TRHDE: variants seen among roughly 807,000 people sequenced by gnomAD.
TRHDE encodes the protein thyrotropin-releasing hormone-degrading ectoenzyme.
In TRHDE, 72 loss-of-function variants were observed where a neutral mutation model predicts 125.7. That is an observed-to-expected ratio of 0.57 (90% confidence interval 0.47 to 0.70). The LOEUF is 0.70. TRHDE is among the 30% of genes least tolerant of loss of function. The probability of loss-of-function intolerance (pLI) is 0.00; values close to 1 mark genes in which losing one functional copy is unlikely to be tolerated. For synonymous variants in TRHDE, 509 were observed against 509.1 expected (o/e 1.00, Z 0.00); for missense variants, 1,110 against 1,327.1 (o/e 0.84, Z 2.54).
chr12:72,411,028 TAAAAATACAA>T (rs1219861029), intron 3 of TRHDE, among the ~76,000 whole-genome samples: 2 of 151,750 alleles, frequency 1.3e-5, no homozygotes, highest in African/African-American at 2.4e-5. Flanking sequence ...ACGTCTCTAC[TAAAAATACAA>T]AAAAATACAA....
intron 2 of TRHDE, among the ~76,000 whole-genome samples, chr12:72,215,604 A>G (rs927358696): frequency 2.6e-5 from 4 of 152,164 alleles, no homozygotes; most frequent in Non-Finnish European, 5.9e-5. Context: ...TGTCATGGCA[A>G]TAGTGTAGTT....
intron 9 of TRHDE, among the ~76,000 whole-genome samples, chr12:72,567,845 C>T (rs993345473): frequency 6.6e-6 from 1 of 152,026 alleles, no homozygotes; most frequent in Non-Finnish European, 1.5e-5. Context: ...GACATTACTG[C>T]ATGTATAAGT....
intron 2 of TRHDE, among the ~76,000 whole-genome samples, chr12:72,265,873 A>T (rs1279642401): frequency 1.3e-5 from 2 of 151,874 alleles, no homozygotes; most frequent in Non-Finnish European, 2.9e-5. Flanking sequence ...TGTAGTTCAA[A>T]ATTAGCTTTT....
At chr12:72,303,687 G>A (rs990988548) in intron 2 of TRHDE, among the ~76,000 whole-genome samples, 2 of 152,088 alleles carry the variant, frequency 1.3e-5, no homozygotes, top group African/African-American at 4.8e-5. Flanking sequence ...TGGTGGCTCT[G>A]CTTCTTCCCT....
intron 3 of TRHDE, among the ~76,000 whole-genome samples, chr12:72,460,435 C>T (rs1052904608): frequency 6.1e-5 from 9 of 147,958 alleles, no homozygotes; most frequent in Admixed American, 6.6e-5. Flanking sequence ...AATATGTATG[C>T]TTTTTGACTT....
At chr12:72,124,338 T>C (rs926719125) in intron 2 of TRHDE, among the ~76,000 whole-genome samples, 4 of 152,202 alleles carry the variant, frequency 2.6e-5, no homozygotes, top group Non-Finnish European at 1.5e-5. Context: ...CAGATCATAT[T>C]GTCATAGGAG....
At chr12:72,581,472 A>G (rs1490510023) in intron 12 of TRHDE, among the ~76,000 whole-genome samples, 6 of 152,338 alleles carry the variant, frequency 3.9e-5, no homozygotes, top group Non-Finnish European at 7.3e-5. Context: ...CATCATAAAT[A>G]TCATCATAGT....
At chr12:72,520,130 A>C (rs1394179772) in intron 6 of TRHDE, among the ~76,000 whole-genome samples, 1 of 152,248 alleles carries the variant, frequency 6.6e-6, no homozygotes. Context: ...TGGAGCCTAC[A>C]GAGGCAGGCA....
chr12:72,512,535 T>TATATATATTC (rs1491272978), intron 6 of TRHDE, among the ~76,000 whole-genome samples: 2 of 138,282 alleles, frequency 1.4e-5, no homozygotes, highest in African/African-American at 5.4e-5. Flanking sequence ...TATATATGAT[T>TATATATATTC]ATATATATTC....
At chr12:72,424,391 A>G (rs1874097346) in intron 3 of TRHDE, among the ~76,000 whole-genome samples, 1 of 152,186 alleles carries the variant, frequency 6.6e-6, no homozygotes, top group Admixed American at 6.6e-5. Context: ...GCTTCAAGCT[A>G]CAAAGACCCT....
intron 2 of TRHDE, among the ~76,000 whole-genome samples, chr12:72,174,254 T>C (rs1040124171): frequency 6.6e-6 from 1 of 152,322 alleles, no homozygotes; most frequent in Non-Finnish European, 1.5e-5. Context: ...ATCTAGACTA[T>C]ATAATTTCAG....
chr12:72,458,997 A>G (rs1364096379), intron 3 of TRHDE, among the ~76,000 whole-genome samples: 1 of 152,196 alleles, frequency 6.6e-6, no homozygotes, highest in Non-Finnish European at 1.5e-5. Context: ...CAAATTTATT[A>G]TCTTACAATT....
chr12:72,517,890 A>G (rs1857966658), intron 6 of TRHDE, among the ~76,000 whole-genome samples: 1 of 151,964 alleles, frequency 6.6e-6, no homozygotes, highest in African/African-American at 2.4e-5. Flanking sequence ...TTCTGCCTTC[A>G]TTTCATTATG....
At chr12:72,426,682 T>C (rs958283576) in intron 3 of TRHDE, among the ~76,000 whole-genome samples, 3 of 151,644 alleles carry the variant, frequency 2.0e-5, no homozygotes, top group African/African-American at 7.3e-5. Context: ...GGTAGTGTTA[T>C]AGGTGCTAGA....
intron 2 of TRHDE, among the ~76,000 whole-genome samples, chr12:72,335,191 A>G (rs1369996752): frequency 6.6e-6 from 1 of 152,198 alleles, no homozygotes; most frequent in East Asian, 1.9e-4. Context: ...ATAAAAATTC[A>G]CTACAGCTTG....
intron 2 of TRHDE, 50 bp from the exon 3 acceptor site, chr12:72,377,945 A>C: frequency 7.4e-7 from 1 of 1,352,172 alleles, no homozygotes; most frequent in Non-Finnish European, 1.0e-6. Context: ...GGGAAGATAA[A>C]ACTCAAGTGC....
intron 2 of TRHDE, among the ~76,000 whole-genome samples, chr12:72,147,177 T>C (rs1592458155): frequency 6.6e-6 from 1 of 152,062 alleles, no homozygotes; most frequent in East Asian, 1.9e-4. Flanking sequence ...CAGAAATGCC[T>C]GTTCTCATTT....
intron 3 of TRHDE, among the ~76,000 whole-genome samples, chr12:72,378,490 C>T (rs866684906): frequency 2.8e-4 from 42 of 152,140 alleles, no homozygotes; most frequent in African/African-American, 9.9e-4. Context: ...GAGTTGAGAC[C>T]CAGGGAGTTT....
intron 3 of TRHDE, among the ~76,000 whole-genome samples, chr12:72,398,845 G>A (rs942609054): frequency 2.0e-5 from 3 of 152,158 alleles, no homozygotes; most frequent in African/African-American, 4.8e-5. Context: ...GATGCTTTAC[G>A]TTAATATAAC....
Sources: gnomAD v4.1 joint callset for allele counts (sites outside exome capture counted in the v4.1 genomes callset) on GRCh38, gnomAD v4.1.1 for gene constraint, MANE v1.5 for transcripts, NCBI Gene and HGNC (gene_info 2026-07-23, HGNC 2026-07-21) for gene names.